Variants in CDYL2 observed in about 807,000 individuals in gnomAD.
CDYL2 encodes the protein chromodomain Y like 2.
CDYL2 carries 23 observed loss-of-function variants against 49.4 expected under a neutral mutation model. The observed-to-expected ratio is 0.47, with a 90% CI of 0.34 to 0.66. The LOEUF is 0.66. Ranked by LOEUF, CDYL2 falls within the 30% of genes least tolerant of loss-of-function variation. The probability of loss-of-function intolerance (pLI) is 0.01; values close to 1 mark genes in which losing one functional copy is unlikely to be tolerated. For synonymous variants in CDYL2, 360 were observed against 268.8 expected, an observed-to-expected ratio of 1.34 and a Z score of -3.32; for missense variants, 678 against 656.4, an observed-to-expected ratio of 1.03 and a Z score of -0.36.
chr16:80,641,503 C>A (rs752455790), intron 2 of CDYL2, among the ~76,000 whole-genome samples: 1 of 151,920 alleles, frequency 6.6e-6, no homozygotes, highest in Non-Finnish European at 1.5e-5. Context: ...GGAAGCACTT[C>A]AATCAGAAAG....
chr16:80,638,277 G>A (rs1907929127), intron 2 of CDYL2, among the ~76,000 whole-genome samples: 1 of 152,108 alleles, frequency 6.6e-6, no homozygotes, highest in African/African-American at 2.4e-5. Flanking sequence ...GTCTCACTAT[G>A]TTGCCTAGGC....
intron 1 of CDYL2, among the ~76,000 whole-genome samples, chr16:80,773,997 G>A (rs570317804): frequency 1.3e-5 from 2 of 152,240 alleles, no homozygotes; most frequent in South Asian, 4.1e-4. Flanking sequence ...TTATGTATAT[G>A]GGAGCTCTGG....
chr16:80,622,790 C>T (rs1015488628), intron 3 of CDYL2, among the ~76,000 whole-genome samples: 4 of 152,064 alleles, frequency 2.6e-5, no homozygotes, highest in South Asian at 4.2e-4. Context: ...AAGTTTGCAC[C>T]CCATGAAAGC....
chr16:80,723,542 C>T (rs376029536), intron 1 of CDYL2, among the ~76,000 whole-genome samples: 2 of 152,184 alleles, frequency 1.3e-5, no homozygotes, highest in African/African-American at 4.8e-5. Context: ...TGACCCCATG[C>T]CCCAGCACAC....
chr16:80,673,971 T>G (rs1243686806), intron 2 of CDYL2, among the ~76,000 whole-genome samples: 1 of 152,154 alleles, frequency 6.6e-6, no homozygotes, highest in African/African-American at 2.4e-5. Flanking sequence ...CTCTGGAAGC[T>G]GGAAAAGGCA....
intron 1 of CDYL2, among the ~76,000 whole-genome samples, chr16:80,759,699 C>T (rs931075149): frequency 6.6e-6 from 1 of 152,136 alleles, no homozygotes; most frequent in Non-Finnish European, 1.5e-5. Context: ...CATAAAGATG[C>T]AAGTGCATGA....
chr16:80,793,325 G>A (rs538354715), intron 1 of CDYL2, among the ~76,000 whole-genome samples: 2 of 152,326 alleles, frequency 1.3e-5, no homozygotes, highest in East Asian at 1.9e-4. Context: ...CCTAACCTGT[G>A]ATGAGGGACA....
intron 4 of CDYL2, among the ~76,000 whole-genome samples, chr16:80,615,149 C>T (rs1906773544): frequency 6.6e-6 from 1 of 152,150 alleles, no homozygotes; most frequent in Non-Finnish European, 1.5e-5. Context: ...AAAGGTACTA[C>T]TTCAGAGAGG....
intron 1 of CDYL2, among the ~76,000 whole-genome samples, chr16:80,750,489 A>T (rs1301965059): frequency 6.6e-6 from 1 of 152,036 alleles, no homozygotes; most frequent in East Asian, 1.9e-4. Flanking sequence ...TCTGTGAAAA[A>T]GAGGCTATAA....
intron 1 of CDYL2, among the ~76,000 whole-genome samples, chr16:80,788,687 G>C (rs980038590): frequency 2.0e-5 from 3 of 152,172 alleles, no homozygotes; most frequent in African/African-American, 7.2e-5. Context: ...TTAAATGTTG[G>C]TTCAACCGTC....
chr16:80,656,038 G>C (rs546088450), intron 2 of CDYL2, among the ~76,000 whole-genome samples: 3 of 152,348 alleles, frequency 2.0e-5, no homozygotes, highest in Middle Eastern at 3.4e-3. Context: ...AGCCACACGA[G>C]CTCTTGAGCA....
chr16:80,657,461 A>G (rs147006557), intron 2 of CDYL2, among the ~76,000 whole-genome samples: 1 of 152,338 alleles, frequency 6.6e-6, no homozygotes, highest in East Asian at 1.9e-4. Flanking sequence ...TCAGGAAAAA[A>G]TGAACAAAAG....
intron 1 of CDYL2, among the ~76,000 whole-genome samples, chr16:80,708,743 A>T (rs1904487857): frequency 6.6e-6 from 1 of 152,032 alleles, no homozygotes; most frequent in African/African-American, 2.4e-5. Flanking sequence ...AATAAAACAC[A>T]CAGGGTTGTT....
intron 2 of CDYL2, among the ~76,000 whole-genome samples, chr16:80,675,455 A>G (rs1333148039): frequency 6.6e-6 from 1 of 152,176 alleles, no homozygotes; most frequent in Non-Finnish European, 1.5e-5. Context: ...TACCTGCAGT[A>G]AGACCTCAAG....
chr16:80,799,117 A>T (rs942815661), intron 1 of CDYL2, among the ~76,000 whole-genome samples: 2 of 152,206 alleles, frequency 1.3e-5, no homozygotes, highest in Admixed American at 1.3e-4. Context: ...AATTACATAA[A>T]CATGTGTAGA....
At chr16:80,645,850 C>G (rs1225257696) in intron 2 of CDYL2, among the ~76,000 whole-genome samples, 1 of 151,688 alleles carries the variant, frequency 6.6e-6, no homozygotes, top group African/African-American at 2.4e-5. Context: ...ATGGATGAAG[C>G]TGGAAACCAT....
intron 2 of CDYL2, among the ~76,000 whole-genome samples, chr16:80,653,950 G>T (rs907355290): frequency 6.6e-6 from 1 of 152,182 alleles, no homozygotes; most frequent in Non-Finnish European, 1.5e-5. Context: ...AGGAGTCACT[G>T]TGGTGTCGAG....
intron 1 of CDYL2, among the ~76,000 whole-genome samples, chr16:80,801,367 G>A (rs144650500): frequency 6.6e-4 from 101 of 152,262 alleles, no homozygotes; most frequent in African/African-American, 2.3e-3. Context: ...CAAAGTTTTC[G>A]TTTTCTGGTG....
At chr16:80,672,894 G>C (rs1313040048) in intron 2 of CDYL2, among the ~76,000 whole-genome samples, 2 of 152,204 alleles carry the variant, frequency 1.3e-5, no homozygotes, top group African/African-American at 4.8e-5. Flanking sequence ...GCAGCTCATT[G>C]GGCACTAGGA....
Sources: gnomAD v4.1 joint callset for allele counts (sites outside exome capture counted in the v4.1 genomes callset) on GRCh38, gnomAD v4.1.1 for gene constraint, MANE v1.5 for transcripts, NCBI Gene and HGNC (gene_info 2026-07-23, HGNC 2026-07-21) for gene names.